Variants in GUCY2D observed in about 807,000 individuals in gnomAD.
GUCY2D encodes guanylate cyclase 2D, retinal.
Under a neutral mutation model 101.3 loss-of-function variants are expected in GUCY2D, and 70 were observed. The ratio of observed to expected loss-of-function variants is 0.69; its 90% confidence interval spans 0.57 to 0.84. GUCY2D has a LOEUF of 0.84. Among genes scored for constraint, GUCY2D ranks in the 40% least tolerant of loss-of-function variants. The pLI is 0.00. For synonymous variants in GUCY2D, 688 were observed against 670.7 expected (o/e 1.03, Z -0.40); for missense variants, 1,460 against 1,542.5 (o/e 0.95, Z 0.90).
Position 8,013,145 on chromosome 17 carries a change from T to TGGAGCGCCGG in GUCY2D, c.2160_2169dup (p.Thr724AlafsTer11). The TGGAGCGCCGG allele has an allele frequency of 6.2e-7, 1 of 1,613,854 alleles. No homozygotes were observed. The highest frequency in any genetic ancestry group is 1.1e-5 in the South Asian group (1 of 91,078). Reference sequence around the variant, plus strand: ...CCGGAGCTGCTTAGGGACCCAGCCCTGGAGCGCCGGGGAACGCTGGCCGGC... The same window carrying TGGAGCGCCGG: ...CCGGAGCTGCTTAGGGACCCAGCCCTGGAGCGCCGGGGAGCGCCGGGGAACGCTGGCCGGC... On this transcript the variant is annotated frameshift_variant, in exon 11 of 20. Transcript: ENST00000254854. LOFTEE classifies it high-confidence loss of function. The surrounding 1 kb of genome is among the most constrained non-coding windows in gnomAD (Gnocchi z 5.0).
chr17:8,019,481 C>T (rs1976033724), intron 19 of GUCY2D, among the ~76,000 whole-genome samples: 1 of 152,326 alleles, frequency 6.6e-6, no homozygotes, highest in African/African-American at 2.4e-5. Flanking sequence ...GCCTCCTTCC[C>T]AGGCTGGCCT....
At chr17:8,004,767 A>C (rs1975707932) in intron 3 of GUCY2D, among the ~76,000 whole-genome samples, 1 of 152,306 alleles carries the variant, frequency 6.6e-6, no homozygotes, top group African/African-American at 2.4e-5. Context: ...CACTATGAGA[A>C]GGGAATTTAG....
In GUCY2D at chr17:8,003,025, G is replaced by T. The variant is rs1223587832; in HGVS notation, c.-9-14G>T. 2 of 1,523,714 alleles carry T rather than the reference G, an allele frequency of 1.3e-6. No individual in the cohort carries two copies. Among genetic ancestry groups the T allele is most frequent in the African/African-American group, 2.8e-5 (2 of 71,128 alleles). The allele number at this position is 1,523,714 out of a possible 1,614,324, so 94.4% of individuals were successfully genotyped here. ...GGGTCTCAGTCGCTCAGCCTGCTCC[G>T]TCTGTGTTCGCAGAAGCCGGCAATG... On this transcript the variant is annotated splice_polypyrimidine_tract_variant and intron_variant, in intron 1 of 19. Transcript: ENST00000254854.
chr17:8,016,306 C>A lies in GUCY2D; in HGVS notation c.3224+16C>A. The A allele has an allele frequency of 6.5e-7, 1 of 1,546,140 alleles. No homozygotes were observed. The highest frequency in any genetic ancestry group is 8.8e-7 in the Non-Finnish European group (1 of 1,139,074). ...TGCAACCGGGGTGAGGGGCCGGCCT[C>A]CGCGGCAGGGCGAGGGACGAGGGAC... On this transcript the variant is annotated intron_variant, in intron 18 of 19. Coordinates refer to ENST00000254854, the MANE Select transcript of GUCY2D (RefSeq NM_000180.4).
chr17:8,003,812 G>T (rs1176235345), intron 2 of GUCY2D, 40 bp from the exon 3 acceptor site: 2 of 1,603,552 alleles, frequency 1.2e-6, no homozygotes, highest in East Asian at 2.2e-5. Flanking sequence ...TGGTCCTGCC[G>T]GCAGCCGGAC....
At chr17:8,008,341 G>C (rs894937681) in intron 7 of GUCY2D, among the ~76,000 whole-genome samples, 3 of 152,186 alleles carry the variant, frequency 2.0e-5, no homozygotes, top group Non-Finnish European at 4.4e-5. Flanking sequence ...GGACCAGCAG[G>C]TAACATGGTG....
chr17:8,015,689 G>A (rs1173155033), intron 15 of GUCY2D, 54 bp from the exon 16 acceptor site: 3 of 1,384,264 alleles, frequency 2.2e-6, no homozygotes, highest in African/African-American at 1.4e-5. Flanking sequence ...GCCCTACCTA[G>A]GTGCAGCCCA....
chr17:8,006,238 G>T (rs941713311), intron 3 of GUCY2D, 125 bp from the exon 4 acceptor site: 5 of 749,536 alleles, frequency 6.7e-6, no homozygotes, highest in Non-Finnish European at 1.2e-5. Flanking sequence ...AATGGGGAGG[G>T]ATCCTGGGAA....
At chr17:8,007,401 T>C in intron 5 of GUCY2D, 25 bp from the exon 6 acceptor site, 1 of 1,487,190 alleles carries the variant, frequency 6.7e-7, no homozygotes, top group Non-Finnish European at 9.4e-7. Flanking sequence ...GTGCCCTTGG[T>C]GGAGGTGACC....
In GUCY2D at chr17:8,012,128, A is replaced by T. The variant is rs772221900; in HGVS notation, c.1750-16A>T. ...TGCCCTGGGCAGAAAATGCAAGTCA[A>T]CTCTCCCCCTCTCAGCTCCAGGAGC... On this transcript the variant is annotated splice_polypyrimidine_tract_variant and intron_variant, in intron 8 of 19. Coordinates refer to ENST00000254854, the MANE Select transcript of GUCY2D (RefSeq NM_000180.4). The T allele has an allele frequency of 3.8e-6, 6 of 1,597,972 alleles. No homozygotes were observed. The highest frequency in any genetic ancestry group is 5.1e-6 in the Non-Finnish European group (6 of 1,167,044).
Position 8,014,434 on chromosome 17 carries a change from AAC to A in GUCY2D, c.2413-163_2413-162del. The A allele has an allele frequency of 1.4e-6, 1 of 712,908 alleles. No individual in the cohort carries two copies. Among genetic ancestry groups the A allele is most frequent in the Non-Finnish European group, 2.5e-6 (1 of 396,946 alleles). The allele number at this position is 712,908 out of a possible 1,614,324, so 44.2% of individuals were successfully genotyped here. ...CACGTGCCTCCTAATCGTGTCTGAA[AAC>A]ACAGTGCCCAGCACCCCGGGGTGCT... On this transcript the variant is annotated intron_variant, in intron 12 of 19. Coordinates refer to ENST00000254854, the MANE Select transcript of GUCY2D (RefSeq NM_000180.4). The surrounding 1 kb of genome is among the most constrained non-coding windows in gnomAD (Gnocchi z 4.0).
chr17:8,009,568 C>T lies in GUCY2D; in HGVS notation c.1731C>T (p.Thr577=). 1.9e-6 allele frequency: 3 copies of T among 1,612,778 alleles called. No homozygotes were observed. The highest frequency in any genetic ancestry group is 2.5e-6 in the Non-Finnish European group (3 of 1,178,748). Residue 577 remains threonine (T), a synonymous_variant, in exon 8 of 20, where the codon ACC becomes ACT. Transcript: ENST00000254854. ...GDQHIAIRPA[T]KTAFSKLQEL... is the part of the protein sequence containing the mutation. ...AGCACATAGCTATCCGCCCAGCAAC[C>T]AAGACGGCCTTCTCCAAGGTGAGAC...
At position 8,012,603 on chromosome 17, in the gene GUCY2D, G is replaced by A. The variant is rs142997995; in HGVS notation, c.2110G>A (p.Glu704Lys). The part of the protein sequence containing the change: ...QKVLPEPPRA[E>K]DQLWTAPELL... ...GGTGCTACCGGAGCCTCCCAGAGCG[G>A]AGGGTAAGAGTCCCCTGTGCAGACG... The change falls in exon 10 of 20, where the codon GAG becomes AAG. Residue 704 changes from glutamate to lysine, a missense_variant. By Grantham distance (56) the Glu-to-Lys change is moderately conservative. Around this residue, in one of 3 missense-constraint regions of GUCY2D, gnomAD observed 1,196 missense variants for 1,229.6 expected, o/e 0.97. Coordinates refer to ENST00000254854, the MANE Select transcript of GUCY2D (RefSeq NM_000180.4). 2 of 1,611,972 alleles carry A rather than the reference G, an allele frequency of 1.2e-6. No individual in the cohort carries two copies. The highest frequency in any genetic ancestry group is 1.7e-6 in the Non-Finnish European group (2 of 1,178,840).
Position 8,014,211 on chromosome 17 carries a change from T to A in GUCY2D, c.2412+183T>A, listed in dbSNP as rs1296547506. ...AATTGGAATGGGGGCTGTGGAGGCT[T>A]TTGGAGTGGGAGATAGAGTTCTGTC... On this transcript the variant is annotated intron_variant, in intron 12 of 19. Coordinates refer to ENST00000254854, the MANE Select transcript of GUCY2D (RefSeq NM_000180.4). The surrounding 1 kb of genome is among the most constrained non-coding windows in gnomAD (Gnocchi z 4.0). 1.5e-6 allele frequency: 1 copy of A among 660,524 alleles called. No individual in the cohort carries two copies. The highest frequency in any genetic ancestry group is 2.7e-6 in the Non-Finnish European group (1 of 368,246). 40.9% of individuals were successfully genotyped at this position (660,524 alleles called of 1,614,324 possible).
chr17:8,003,335 C>G lies in GUCY2D; in HGVS notation c.288C>G (p.Phe96Leu). The stretch of plus-strand genomic sequence containing the variant: ...CCGGCCTGGCAGGCGGTCCCCGCTT[C>G]GAGGTAGCGCTGCTGCCCGAGCCTT... ...RDPGLAGGPR[F>L]EVALLPEPCR... is the part of the protein sequence containing the mutation. Residue 96 changes from phenylalanine (F) to leucine (L), a missense_variant, in exon 2 of 20, where the codon TTC becomes TTG. Transcript: ENST00000254854. 1.4e-6 allele frequency: 2 copies of G among 1,479,062 alleles called. No homozygotes were observed. The highest frequency in any genetic ancestry group is 1.3e-5 in the South Asian group (1 of 78,004). The allele number at this position is 1,479,062 out of a possible 1,614,324, so 91.6% of individuals were successfully genotyped here. A position where few individuals can be genotyped will look rare whatever the true frequency, so the allele number is the denominator to read the frequency against.
chr17:8,013,204 G>T lies in GUCY2D; in HGVS notation c.2215G>T (p.Val739Leu). 6.2e-7 allele frequency: 1 copy of T among 1,614,190 alleles called. No homozygotes were observed. Among genetic ancestry groups the T allele is most frequent in the South Asian group, 1.1e-5 (1 of 91,086 alleles). ...TAGCTTGGCCATCATCATGCAAGAA[G>T]TAGTGTGCCGCAGTGCCCCTTATGC... ...VFSLAIIMQE[V>L]VCRSAPYAML... The change falls in exon 11 of 20, where the codon GTA (valine) becomes TTA (leucine). Residue 739 changes from valine (V) to leucine (L), a missense_variant. Around this residue, in one of 3 missense-constraint regions of GUCY2D, gnomAD observed 1,196 missense variants for 1,229.6 expected, o/e 0.97. Coordinates refer to ENST00000254854, the MANE Select transcript of GUCY2D (RefSeq NM_000180.4). This position sits in a 1 kb window ranked among gnomAD's most constrained non-coding sequence, Gnocchi z 5.0.
chr17:8,006,755 T>G (rs1212274699), intron 4 of GUCY2D, 41 bp downstream of exon 4: 2 of 1,489,226 alleles, frequency 1.3e-6, no homozygotes, highest in Non-Finnish European at 1.8e-6. Context: ...ACAATCGCCA[T>G]GGACCATCCA....
chr17:8,013,538 C>T lies in GUCY2D; in HGVS notation c.2263+286C>T, dbSNP rs577800522. 5.4e-5 allele frequency: 31 copies of T among 575,576 alleles called. No individual in the cohort carries two copies. Among genetic ancestry groups the T allele is most frequent in the Middle Eastern group, 8.9e-4 (2 of 2,254 alleles). The allele number at this position is 575,576 out of a possible 1,614,324, so 35.7% of individuals were successfully genotyped here. On this transcript the variant is annotated intron_variant, in intron 11 of 19. Coordinates refer to ENST00000254854, the MANE Select transcript of GUCY2D (RefSeq NM_000180.4). The surrounding 1 kb of genome is among the most constrained non-coding windows in gnomAD (Gnocchi z 5.0). ...AGACTCCTCTCTGTTCTCAGGGGTC[C>T]CTGGGAGGAGCAGGGGAGGGGGAGT...
intron 19 of GUCY2D, among the ~76,000 whole-genome samples, chr17:8,019,534 C>T (rs1022193722): frequency 1.3e-5 from 2 of 152,290 alleles, no homozygotes; most frequent in Admixed American, 1.3e-4. Flanking sequence ...CCTGACCCCT[C>T]CCCAGCTAGA....
Sources: gnomAD v4.1 joint callset for allele counts (sites outside exome capture counted in the v4.1 genomes callset) on GRCh38, gnomAD v4.1.1 for gene constraint, gnomAD v4.1.1 regional missense constraint, Gnocchi (gnomAD v3.1) non-coding constraint, MANE v1.5 for transcripts, NCBI Gene and HGNC (gene_info 2026-07-23, HGNC 2026-07-21) for gene names.